The following PIP4K2A variants were observed in gnomAD, a reference collection of about 807,000 sequenced individuals.
The protein encoded by PIP4K2A is phosphatidylinositol-5-phosphate 4-kinase type 2 alpha.
In PIP4K2A, 14 loss-of-function variants were observed where a neutral mutation model predicts 42.9. The observed-to-expected ratio is 0.33, with a 90% CI of 0.22 to 0.51. The LOEUF is 0.51. Among genes scored for constraint, PIP4K2A ranks in the 20% least tolerant of loss-of-function variants. The pLI is 0.97. For synonymous variants in PIP4K2A, 192 were observed against 192.2 expected (o/e 1.00, Z 0.01); for missense variants, 434 against 519.8 (o/e 0.83, Z 1.61).
intron 1 of PIP4K2A, among the ~76,000 whole-genome samples, chr10:22,674,467 C>T (rs962117747): frequency 6.7e-6 from 1 of 148,324 alleles, no homozygotes; most frequent in African/African-American, 2.5e-5. Flanking sequence ...TTCTCCTACT[C>T]AAAGTTAATT....
intron 6 of PIP4K2A, among the ~76,000 whole-genome samples, chr10:22,556,278 C>A (rs1310686888): frequency 1.3e-5 from 2 of 152,152 alleles, no homozygotes; most frequent in Non-Finnish European, 2.9e-5. Context: ...CGTGGCGGCT[C>A]TAGTTCCCTA....
chr10:22,570,072 T>G (rs1836948839), intron 5 of PIP4K2A, among the ~76,000 whole-genome samples: 1 of 151,500 alleles, frequency 6.6e-6, no homozygotes, highest in African/African-American at 2.4e-5. Flanking sequence ...TCTTAGGCAT[T>G]GCAGGGGGAT....
rs1047982587 is a variant in PIP4K2A, at chr10:22,598,852, G to GA, written c.340-7072dup. ...ACGATGATTTACTATTAGTTTATGG[G>GA]AAAAAAATCTAATAATCAACATGCA... On this transcript the variant is annotated intron_variant, in intron 3 of 9. Transcript: ENST00000376573. Among the ~76,000 whole-genome samples the GA allele has an allele frequency of 7.2e-5, 11 of 152,018 alleles. 1 individual carries two copies. The South Asian group carries it at 1.2e-3, about 17-fold the overall frequency.
chr10:22,602,362 C>A (rs1481664811), intron 3 of PIP4K2A, among the ~76,000 whole-genome samples: 1 of 148,704 alleles, frequency 6.7e-6, no homozygotes, highest in African/African-American at 2.5e-5. Context: ...CCACTGTACT[C>A]CAGCCTGGGC....
At chr10:22,633,076 A>T (rs1214162268) in intron 1 of PIP4K2A, among the ~76,000 whole-genome samples, 1 of 152,186 alleles carries the variant, frequency 6.6e-6, no homozygotes, top group African/African-American at 2.4e-5. Context: ...TGAAATGGGC[A>T]CAACTATTAC....
intron 1 of PIP4K2A, among the ~76,000 whole-genome samples, chr10:22,693,074 G>T (rs542521378): frequency 1.6e-4 from 24 of 152,218 alleles, no homozygotes; most frequent in African/African-American, 5.8e-4. Flanking sequence ...TGTTTTAATC[G>T]ATTGGGGTCA....
At chr10:22,714,152 A>G in intron 1 of PIP4K2A, 31 bp downstream of exon 1, 1 of 1,584,076 alleles carries the variant, frequency 6.3e-7, no homozygotes, top group Non-Finnish European at 8.6e-7. Flanking sequence ...AGGAGGAGGA[A>G]GGGGACCGCG....
At chr10:22,610,221 T>C (rs1837998438) in intron 1 of PIP4K2A, among the ~76,000 whole-genome samples, 1 of 152,182 alleles carries the variant, frequency 6.6e-6, no homozygotes, top group South Asian at 2.1e-4. Flanking sequence ...GGGTGGGGCA[T>C]GAATTTACCA....
intron 4 of PIP4K2A, among the ~76,000 whole-genome samples, chr10:22,576,325 C>T (rs185397833): frequency 7.9e-5 from 12 of 152,300 alleles, no homozygotes; most frequent in African/African-American, 2.6e-4. Context: ...CTGTTGTAGG[C>T]AGATGTTGAC....
intron 3 of PIP4K2A, among the ~76,000 whole-genome samples, chr10:22,597,902 C>T (rs1002944889): frequency 6.6e-6 from 1 of 152,164 alleles, no homozygotes; most frequent in Non-Finnish European, 1.5e-5. Flanking sequence ...GGAACACTTA[C>T]CCTTATCTAC....
chr10:22,708,006 G>A (rs1399395160), intron 1 of PIP4K2A, among the ~76,000 whole-genome samples: 1 of 152,164 alleles, frequency 6.6e-6, no homozygotes, highest in African/African-American at 2.4e-5. Flanking sequence ...CAGACACAGG[G>A]AAATAAGCTA....
intron 1 of PIP4K2A, among the ~76,000 whole-genome samples, chr10:22,695,357 A>G (rs927348422): frequency 1.3e-5 from 2 of 152,220 alleles, no homozygotes; most frequent in African/African-American, 4.8e-5. Flanking sequence ...TTTCACTGCT[A>G]AGATGCAATA....
intron 1 of PIP4K2A, among the ~76,000 whole-genome samples, chr10:22,612,157 C>G (rs569804382): frequency 6.6e-6 from 1 of 152,210 alleles, no homozygotes. Flanking sequence ...CACCCATCCT[C>G]GCGTCAGCAC....
chr10:22,596,624 T>A (rs961846432), intron 3 of PIP4K2A, among the ~76,000 whole-genome samples: 1 of 152,220 alleles, frequency 6.6e-6, no homozygotes, highest in African/African-American at 2.4e-5. Context: ...CTTGGACAAG[T>A]TGGGAGGCCC....
chr10:22,582,501 CTGT>C (rs1344120139), intron 4 of PIP4K2A, among the ~76,000 whole-genome samples: 1 of 152,158 alleles, frequency 6.6e-6, no homozygotes, highest in Non-Finnish European at 1.5e-5. Flanking sequence ...TCAGGAATTG[CTGT>C]TATTATCATG....
At chr10:22,582,725 G>GAAGGA (rs1837306980) in intron 4 of PIP4K2A, among the ~76,000 whole-genome samples, 1 of 152,028 alleles carries the variant, frequency 6.6e-6, no homozygotes, top group African/African-American at 2.4e-5. Flanking sequence ...AAAAGGAAGG[G>GAAGGA]AAAGGAAGGG....
rs1277790274 is a variant in PIP4K2A at position 22,705,425 on chromosome 10, TTAAAAAAAAA to T, written c.144+8748_144+8757del. Among the ~76,000 whole-genome samples, 96 of 56,894 alleles carry T rather than the reference TTAAAAAAAAA, an allele frequency of 1.7e-3. 2 individuals carry two copies. The highest frequency in any genetic ancestry group is 6.5e-3 in the African/African-American group (94 of 14,366). The allele number at this position is 56,894 out of a possible 152,430, so 37.3% of individuals were successfully genotyped here. A position where few individuals can be genotyped will look rare whatever the true frequency, so the allele number is the denominator to read the frequency against. ...TTACGTATTATATTCAGTACCCCAGTTAAAAAAAAAAAAAAAAAAAAAAAAAAAAAAAAAA... is the reference window on the plus strand; with the variant it reads ...TTACGTATTATATTCAGTACCCCAGTAAAAAAAAAAAAAAAAAAAAAAAAA... On this transcript the variant is annotated intron_variant, in intron 1 of 9. Coordinates refer to ENST00000376573, the MANE Select transcript of PIP4K2A (RefSeq NM_005028.5).
chr10:22,616,825 T>C (rs1741311441), intron 1 of PIP4K2A, among the ~76,000 whole-genome samples: 1 of 152,336 alleles, frequency 6.6e-6, no homozygotes, highest in Admixed American at 6.5e-5. Flanking sequence ...TGGAAAGAAC[T>C]GTGTGACTGA....
chr10:22,671,573 G>A (rs953444423), intron 1 of PIP4K2A, among the ~76,000 whole-genome samples: 1 of 152,120 alleles, frequency 6.6e-6, no homozygotes, highest in Non-Finnish European at 1.5e-5. Flanking sequence ...GAGGCTGTGC[G>A]AGTCATTAGG....
Sources: allele counts gnomAD v4.1 joint callset (sites outside exome capture counted in the v4.1 genomes callset), GRCh38; gene constraint gnomAD v4.1.1; transcripts MANE v1.5; gene names NCBI Gene and HGNC (gene_info 2026-07-23, HGNC 2026-07-21).